RNF212B: variants seen among roughly 807,000 people sequenced by gnomAD.
RNF212B encodes E3 ubiquitin-protein ligase RNF212B.
Under a neutral mutation model 55.5 loss-of-function variants are expected in RNF212B, and 52 were observed. The ratio of observed to expected loss-of-function variants is 0.94; its 90% CI spans 0.75 to 1.18. The LOEUF is 1.18. Ranked by LOEUF, RNF212B falls within the 50% of genes most tolerant of loss-of-function variation. RNF212B has a pLI of 0.00. For missense variants in RNF212B, 289 were observed against 350.4 expected (o/e 0.82, Z 1.40); for synonymous variants, 99 against 121.4 (o/e 0.82, Z 1.21).
At chr14:23,248,588 T>C (rs565781451) in intron 4 of RNF212B, among the ~76,000 whole-genome samples, 4 of 151,100 alleles carry the variant, frequency 2.6e-5, no homozygotes, top group Non-Finnish European at 5.9e-5. Flanking sequence ...ATTACGGGCA[T>C]GCGCCACCAC....
At chr14:23,232,931 G>A (rs1321174350) in intron 2 of RNF212B, among the ~76,000 whole-genome samples, 3 of 152,240 alleles carry the variant, frequency 2.0e-5, no homozygotes, top group African/African-American at 7.2e-5. Flanking sequence ...ATTGAGAACG[G>A]GCCATGATGA....
At chr14:23,195,022 TAAA>T (rs35841884) in intron 2 of RNF212B, among the ~76,000 whole-genome samples, 14,662 of 152,038 alleles carry the variant, frequency 0.096, 805 homozygotes, top group Non-Finnish European at 0.12. Flanking sequence ...AATCAACAAT[TAAA>T]ATAGAAAATA....
At chr14:23,243,717 A>AAAGCAAGCAAGC (rs1555316871) in intron 3 of RNF212B, among the ~76,000 whole-genome samples, 13 of 116,848 alleles carry the variant, frequency 1.1e-4, no homozygotes, top group African/African-American at 2.7e-4. Context: ...AAAAAAAAAA[A>AAAGCAAGCAAGC]AAGCAAGCAA....
upstream of RNF212B, among the ~76,000 whole-genome samples, chr14:23,235,893 C>A (rs1006094297): frequency 6.6e-6 from 1 of 152,152 alleles, no homozygotes; most frequent in African/African-American, 2.4e-5. Flanking sequence ...ATAAAAAGTT[C>A]ATTGATATGG....
At chr14:23,194,756 A>C (rs1011972293) in intron 2 of RNF212B, among the ~76,000 whole-genome samples, 1 of 144,586 alleles carries the variant, frequency 6.9e-6, no homozygotes, top group African/African-American at 2.7e-5. Flanking sequence ...AAAAAAAAAA[A>C]ACAACGCTGC....
chr14:23,242,104 A>G (rs1414477292), intron 2 of RNF212B, among the ~76,000 whole-genome samples: 1 of 124,316 alleles, frequency 8.0e-6, no homozygotes, highest in Non-Finnish European at 1.8e-5. Flanking sequence ...AAAAAAAAAA[A>G]AAAGAAAAGA....
Position 23,259,994 on chromosome 14 carries a change from A to T in RNF212B, c.405+50A>T, listed in dbSNP as rs779537621. On this transcript the variant is annotated intron_variant, in intron 6 of 14. Transcript: ENST00000430154. ...TATTATTTTCTCTCTTACTTTTCTC[A>T]TCTATCTAGCTGACTGTATAGAATA... 16 of 926,492 alleles carry T rather than the reference A, an allele frequency of 1.7e-5. No individual in the cohort carries two copies. The South Asian group carries it at 2.5e-4, about 15-fold the overall frequency. The allele number at this position is 926,492 out of a possible 1,614,324, so 57.4% of individuals were successfully genotyped here.
intron 2 of RNF212B, among the ~76,000 whole-genome samples, chr14:23,216,163 G>A (rs1025481465): frequency 5.9e-5 from 9 of 151,980 alleles, no homozygotes; most frequent in Admixed American, 2.0e-4. Context: ...GGAGAATGGC[G>A]TGAACCTGGG....
rs147782761 is a variant in RNF212B at position 23,246,237 on chromosome 14, C to T, written c.228+1841C>T. ...GCAACCTCTGCCTCCAGGGTTCAAG[C>T]GATTCTCCTGGGGGCAGGGCAATTT... is the stretch of plus-strand genomic sequence containing the variant. On this transcript the variant is annotated intron_variant, in intron 4 of 14. Coordinates refer to ENST00000430154, the MANE Select transcript of RNF212B (RefSeq NM_001282322.3). Among the ~76,000 whole-genome samples the T allele has an allele frequency of 6.5e-3, 982 of 151,904 alleles. 12 individuals carry two copies. The highest frequency in any genetic ancestry group is 0.022 in the African/African-American group (926 of 41,438).
chr14:23,270,921 G>T (rs1163108786), intron 14 of RNF212B, among the ~76,000 whole-genome samples: 1 of 152,218 alleles, frequency 6.6e-6, no homozygotes, highest in Non-Finnish European at 1.5e-5. Context: ...TGGCCAGCGT[G>T]AAGTAAGTGT....
At chr14:23,223,368 T>G (rs533064071) in intron 2 of RNF212B, among the ~76,000 whole-genome samples, 2 of 152,168 alleles carry the variant, frequency 1.3e-5, no homozygotes, top group Non-Finnish European at 2.9e-5. Context: ...TTTCCTTTTT[T>G]TTTTTGAGAT....
intron 2 of RNF212B, among the ~76,000 whole-genome samples, chr14:23,193,567 T>C (rs1285860590): frequency 6.6e-6 from 1 of 152,090 alleles, no homozygotes; most frequent in Non-Finnish European, 1.5e-5. Context: ...GCCTGGAACA[T>C]AGTACCCAGG....
intron 1 of RNF212B, among the ~76,000 whole-genome samples, chr14:23,189,620 T>C (rs1373635253): frequency 6.6e-6 from 1 of 151,868 alleles, no homozygotes; most frequent in Non-Finnish European, 1.5e-5. Flanking sequence ...CTGGGCAATA[T>C]AGCAAAACCT....
chr14:23,230,647 C>T (rs1257385877), intron 2 of RNF212B, among the ~76,000 whole-genome samples: 1 of 101,962 alleles, frequency 9.8e-6, no homozygotes, highest in African/African-American at 4.5e-5. Context: ...GAGCGAGACT[C>T]CATCTCAAAA....
chr14:23,241,578 C>T (rs1433702842), intron 2 of RNF212B, among the ~76,000 whole-genome samples: 1 of 151,994 alleles, frequency 6.6e-6, no homozygotes, highest in Non-Finnish European at 1.5e-5. Flanking sequence ...CATGCACCAC[C>T]ATGCCTGGCT....
intron 6 of RNF212B, among the ~76,000 whole-genome samples, chr14:23,260,431 T>C (rs1885209481): frequency 6.6e-6 from 1 of 152,234 alleles, no homozygotes; most frequent in South Asian, 2.1e-4. Flanking sequence ...TCCCCACATA[T>C]GTTAGTCTAT....
chr14:23,256,624 G>C (rs929939824), intron 4 of RNF212B, among the ~76,000 whole-genome samples: 2 of 151,944 alleles, frequency 1.3e-5, no homozygotes, highest in African/African-American at 4.8e-5. Flanking sequence ...TGCCCACCTT[G>C]GTCTCCCAAA....
At chr14:23,244,857 T>C (rs1265528665) in intron 4 of RNF212B, among the ~76,000 whole-genome samples, 8 of 152,234 alleles carry the variant, frequency 5.3e-5, no homozygotes, top group Non-Finnish European at 1.2e-4. Context: ...TAGTAATACT[T>C]ACCTCTTCAT....
At chr14:23,198,799 T>C (rs1878993252) in intron 2 of RNF212B, among the ~76,000 whole-genome samples, 1 of 152,088 alleles carries the variant, frequency 6.6e-6, no homozygotes, top group African/African-American at 2.4e-5. Flanking sequence ...AACAAATAAG[T>C]AAATGTATAG....
Sources: gnomAD v4.1 joint callset for allele counts (sites outside exome capture counted in the v4.1 genomes callset) on GRCh38, gnomAD v4.1.1 for gene constraint, MANE v1.5 for transcripts, NCBI Gene and HGNC (gene_info 2026-07-23, HGNC 2026-07-21) for gene names.